Variants in ZNF654 observed in about 807,000 individuals in gnomAD.
The protein encoded by ZNF654 is zinc finger protein 654, also known as melanoma-associated antigen.
Under a neutral mutation model 95.3 loss-of-function variants are expected in ZNF654, and 19 were observed. The observed-to-expected ratio is 0.20, with a 90% CI of 0.14 to 0.29. The LOEUF is 0.29. Ranked by LOEUF, ZNF654 falls within the 10% of genes least tolerant of loss-of-function variation. The pLI, the probability that ZNF654 is intolerant of heterozygous loss-of-function variation, is 1.00. For missense variants in ZNF654, 1,046 were observed against 1,341.0 expected, an observed-to-expected ratio of 0.78 and a Z score of 3.44; for synonymous variants, 413 against 457.9, an observed-to-expected ratio of 0.90 and a Z score of 1.25.
chr3:88,099,447 G>A (rs552483839), intron 2 of ZNF654, among the ~76,000 whole-genome samples: 2 of 152,290 alleles, frequency 1.3e-5, no homozygotes, highest in South Asian at 4.1e-4. Context: ...AGCTACCAAT[G>A]CCTTTCTTCA....
At chr3:88,096,640 G>C (rs960144276) in intron 2 of ZNF654, among the ~76,000 whole-genome samples, 3 of 152,168 alleles carry the variant, frequency 2.0e-5, no homozygotes, top group African/African-American at 7.2e-5. Context: ...TGAAAAATCT[G>C]CTTTTTATCT....
intron 3 of ZNF654, among the ~76,000 whole-genome samples, chr3:88,114,150 C>T (rs1559719237): frequency 6.6e-6 from 1 of 152,110 alleles, no homozygotes; most frequent in Non-Finnish European, 1.5e-5. Context: ...ATTAATGATT[C>T]TGGCATAGGG....
chr3:88,135,025 G>A, intron 6 of ZNF654, 36 bp from the exon 7 acceptor site: 6 of 1,322,964 alleles, frequency 4.5e-6, no homozygotes, highest in Non-Finnish European at 5.9e-6. Flanking sequence ...TGAATAAACT[G>A]TATTTTTGAT....
chr3:88,123,525 AAT>A (rs1181294633), intron 3 of ZNF654, among the ~76,000 whole-genome samples: 7 of 152,144 alleles, frequency 4.6e-5, no homozygotes, highest in African/African-American at 1.7e-4. Flanking sequence ...GGAGTTGTTA[AAT>A]ATTCAAATTA....
chr3:88,066,144 G>C (rs1314447583), intron 1 of ZNF654, among the ~76,000 whole-genome samples: 1 of 152,150 alleles, frequency 6.6e-6, no homozygotes, highest in Non-Finnish European at 1.5e-5. Context: ...AAATGAATTG[G>C]TTAAATAAAC....
intron 2 of ZNF654, among the ~76,000 whole-genome samples, chr3:88,102,253 A>G (rs573580311): frequency 3.3e-5 from 5 of 152,268 alleles, no homozygotes; most frequent in South Asian, 4.1e-4. Context: ...AATGTCCTCA[A>G]AAAACTTTTT....
intron 1 of ZNF654, among the ~76,000 whole-genome samples, chr3:88,069,733 A>G (rs1484127601): frequency 1.3e-5 from 2 of 152,214 alleles, no homozygotes; most frequent in African/African-American, 2.4e-5. Context: ...GGACTTCAGT[A>G]TCTCGTGTAA....
chr3:88,090,175 A>G (rs1206851992), intron 2 of ZNF654, among the ~76,000 whole-genome samples: 2 of 152,202 alleles, frequency 1.3e-5, no homozygotes, highest in Non-Finnish European at 2.9e-5. Context: ...TAACTGTAAA[A>G]CAGCCACAGG....
intron 2 of ZNF654, among the ~76,000 whole-genome samples, chr3:88,093,408 A>G (rs1703865757): frequency 6.6e-6 from 1 of 152,194 alleles, no homozygotes; most frequent in South Asian, 2.1e-4. Context: ...TCAGCATTCC[A>G]GGTAGAGGTG....
At chr3:88,084,053 A>G (rs1283120554) in intron 1 of ZNF654, among the ~76,000 whole-genome samples, 2 of 152,142 alleles carry the variant, frequency 1.3e-5, no homozygotes, top group African/African-American at 4.8e-5. Flanking sequence ...GTAAAACGGT[A>G]TCTAAATTTC....
At chr3:88,141,504 C>A in intron 8 of ZNF654, 141 bp from the exon 9 acceptor site, 1 of 547,182 alleles carries the variant, frequency 1.8e-6, no homozygotes. Flanking sequence ...AATTGAGAAA[C>A]AAAATCAGAA....
intron 3 of ZNF654, among the ~76,000 whole-genome samples, chr3:88,124,086 A>G (rs1363049111): frequency 6.6e-6 from 1 of 152,230 alleles, no homozygotes; most frequent in East Asian, 1.9e-4. Flanking sequence ...CATGCCAAGG[A>G]AACTAGATGC....
At position 88,140,189 on chromosome 3, in the gene ZNF654, G is replaced by T. The variant is rs1707033274; in HGVS notation, c.2520G>T (p.Arg840Ser). 1.2e-6 allele frequency: 2 copies of T among 1,613,686 alleles called. No individual in the cohort carries two copies. The highest frequency in any genetic ancestry group is 2.2e-5 in the South Asian group (2 of 91,082). ...FQLAQHTKSH[R>S]IFQAQCSFPE... ...TTGCCCAGCACACAAAAAGTCACAGGATATTTCAGGCTCAGTGTAGTTTTC... is the reference window on the plus strand; with the variant it reads ...TTGCCCAGCACACAAAAAGTCACAGTATATTTCAGGCTCAGTGTAGTTTTC... The change falls in exon 8 of 9, where the codon AGG becomes AGT. Residue 840 changes from arginine to serine, a missense_variant. Arg to Ser is a moderately radical substitution (Grantham distance 110). Transcript: ENST00000636215.
intron 1 of ZNF654, among the ~76,000 whole-genome samples, chr3:88,071,998 A>T (rs560231261): frequency 6.6e-6 from 1 of 152,262 alleles, no homozygotes; most frequent in African/African-American, 2.4e-5. Context: ...TCTTACTATC[A>T]ATCAGTTGAA....
rs552820383 is a variant in ZNF654, at chr3:88,127,594, TAGACAA to T, written c.551-1209_551-1204del. 6.3e-3 allele frequency among the ~76,000 whole-genome samples: 961 copies of T among 152,182 alleles called. 6 individuals are homozygous for T. The highest frequency in any genetic ancestry group is 0.011 in the Non-Finnish European group (723 of 68,016). ...TGCATGTGCCCAGAGGGGAAGAAGC[TAGACAA>T]AGACAGAGTTTCAAGAGAAGTGAGG... On this transcript the variant is annotated intron_variant, in intron 4 of 8. Transcript: ENST00000636215.
In ZNF654 at chr3:88,083,114, A is replaced by C. The variant is rs183361519; in HGVS notation, c.187-3143A>C. On this transcript the variant is annotated intron_variant, in intron 1 of 8. Coordinates refer to ENST00000636215, the MANE Select transcript of ZNF654 (RefSeq NM_001350134.2). ...TCACCACCAATCCTACTGGAATAGG[A>C]CTTCACCTTTATGACCTCATTTAAA... Among the ~76,000 whole-genome samples, 291 of 151,320 alleles carry C rather than the reference A, an allele frequency of 1.9e-3. 1 individual carries two copies. Among genetic ancestry groups the C allele is most frequent in the African/African-American group, 6.8e-3 (281 of 41,164 alleles).
intron 3 of ZNF654, among the ~76,000 whole-genome samples, chr3:88,124,647 A>G (rs1244959727): frequency 6.6e-6 from 1 of 152,202 alleles, no homozygotes; most frequent in Non-Finnish European, 1.5e-5. Flanking sequence ...ATTTCTGAAA[A>G]TATGTTTTTT....
chr3:88,073,065 C>T (rs1369982987), intron 1 of ZNF654, among the ~76,000 whole-genome samples: 1 of 152,124 alleles, frequency 6.6e-6, no homozygotes, highest in East Asian at 1.9e-4. Flanking sequence ...AGATGGATGG[C>T]ATGGCACATT....
At chr3:88,082,456 G>T (rs1055028508) in intron 1 of ZNF654, among the ~76,000 whole-genome samples, 2 of 152,172 alleles carry the variant, frequency 1.3e-5, no homozygotes, top group African/African-American at 4.8e-5. Flanking sequence ...GGCTGGATTC[G>T]CTGTAAACAA....
Sources: gnomAD v4.1 joint callset for allele counts (sites outside exome capture counted in the v4.1 genomes callset) on GRCh38, gnomAD v4.1.1 for gene constraint, MANE v1.5 for transcripts, NCBI Gene and HGNC (gene_info 2026-07-23, HGNC 2026-07-21) for gene names.